The following TENM3 variants were observed in gnomAD, a reference collection of about 807,000 sequenced individuals.
The protein encoded by TENM3 is teneurin transmembrane protein 3.
A neutral mutation model predicts 255.1 loss-of-function variants in TENM3; 63 were observed. The ratio of observed to expected loss-of-function variants is 0.25; its 90% confidence interval spans 0.20 to 0.30. The LOEUF (loss-of-function observed/expected upper bound fraction) is 0.30. TENM3 is among the 10% of genes least tolerant of loss of function. TENM3 has a pLI of 1.00. For missense variants in TENM3, 2,929 were observed against 3,461.1 expected (o/e 0.85, Z 3.86); for synonymous variants, 1,306 against 1,322.3 (o/e 0.99, Z 0.27).
the TENM3 span, among the ~76,000 whole-genome samples, chr4:181,653,978 T>C: frequency 6.6e-6 from 1 of 151,902 alleles, no homozygotes; most frequent in African/African-American, 2.4e-5. Context: ...TGTCCTTCTT[T>C]GGTTGGTGCC....
At chr4:181,730,577 G>A in the TENM3 span, among the ~76,000 whole-genome samples, 1 of 152,228 alleles carries the variant, frequency 6.6e-6, no homozygotes, top group African/African-American at 2.4e-5. Context: ...AGGGGAGACA[G>A]ATGTGGAGGA....
chr4:182,737,093 C>A lies in TENM3; in HGVS notation c.3235+18C>A. 2 of 1,601,336 alleles carry A rather than the reference C, an allele frequency of 1.2e-6. No homozygotes were observed. Among genetic ancestry groups the A allele is most frequent in the Non-Finnish European group, 1.7e-6 (2 of 1,174,402 alleles). On this transcript the variant is annotated intron_variant, in intron 17 of 27. Transcript: ENST00000511685. ...AGCTGTTGGTAAGTTCCATATAAAT[C>A]TTTGCTGCAGTGAAGTTTTTCTCAA...
At chr4:181,878,368 T>C in the TENM3 span, among the ~76,000 whole-genome samples, 1 of 151,858 alleles carries the variant, frequency 6.6e-6, no homozygotes, top group Non-Finnish European at 1.5e-5. Flanking sequence ...AGGAACGGAA[T>C]TGGGGAAAGT....
chr4:182,489,418 A>G (rs957287638), intron 3 of TENM3, among the ~76,000 whole-genome samples: 4 of 152,186 alleles, frequency 2.6e-5, no homozygotes, highest in Admixed American at 6.5e-5. Flanking sequence ...CTTTTTAGGA[A>G]CAGTGAAATA....
At chr4:181,756,517 T>C in the TENM3 span, among the ~76,000 whole-genome samples, 1 of 152,202 alleles carries the variant, frequency 6.6e-6, no homozygotes, top group African/African-American at 2.4e-5. Flanking sequence ...AGATGGCCTG[T>C]GCAGGCAACA....
At chr4:181,914,148 C>G in the TENM3 span, among the ~76,000 whole-genome samples, 1 of 152,192 alleles carries the variant, frequency 6.6e-6, no homozygotes, top group African/African-American at 2.4e-5. Flanking sequence ...GTTTTGATGG[C>G]TCCCATTGCC....
chr4:182,232,179 CCTT>C (rs1197514296), intron 1 of TENM3, among the ~76,000 whole-genome samples: 3 of 152,128 alleles, frequency 2.0e-5, no homozygotes, highest in Non-Finnish European at 4.4e-5. Context: ...ACTCCTCTGT[CCTT>C]CTGGCTGAAA....
intron 3 of TENM3, among the ~76,000 whole-genome samples, chr4:182,380,127 C>T (rs1580353013): frequency 1.3e-5 from 2 of 151,930 alleles, no homozygotes; most frequent in Non-Finnish European, 1.5e-5. Context: ...AAAAATTAGG[C>T]GGGCCTGGTG....
chr4:182,614,982 T>A (rs1032269545), intron 4 of TENM3, among the ~76,000 whole-genome samples: 1 of 146,618 alleles, frequency 6.8e-6, no homozygotes, highest in Non-Finnish European at 1.5e-5. Context: ...CACTACTTTG[T>A]CCTCAGCAGT....
the TENM3 span, among the ~76,000 whole-genome samples, chr4:182,018,294 T>A: frequency 6.6e-6 from 1 of 152,172 alleles, no homozygotes; most frequent in Non-Finnish European, 1.5e-5. Flanking sequence ...GATTAGCCAA[T>A]GCTGCAGTCT....
rs1263877881 is a variant in TENM3 at position 182,324,253 on chromosome 4, G to C, written c.232+1G>C. ...GAAGCAGACGAGTTCACTAGACAAG[G>C]TGGGTAACTGTCCTAGTAAAATAAG... On this transcript the variant is annotated splice_donor_variant, in intron 2 of 27. Transcript: ENST00000511685. LOFTEE classifies it high-confidence loss of function. The C allele has an allele frequency of 6.2e-7, 1 of 1,604,120 alleles. No homozygotes were observed. The highest frequency in any genetic ancestry group is 1.3e-5 in the African/African-American group (1 of 74,748).
At chr4:182,784,100 A>G (rs575735298) in intron 24 of TENM3, among the ~76,000 whole-genome samples, 48 of 152,032 alleles carry the variant, frequency 3.2e-4, no homozygotes, top group Non-Finnish European at 5.0e-4. Context: ...CTGGTGAGGA[A>G]CTGCATTCCT....
Position 182,187,453 on chromosome 4 carries a change from T to C in TENM3, c.-76+42699T>C, listed in dbSNP as rs369537399. On this transcript the variant is annotated intron_variant, in intron 1 of 2. Transcript: ENST00000512480. Reference sequence around the variant, plus strand: ...TTGAGTCAAAGGAGGTTAAAATTTTTGAAGGGGATAGTAAATTCGCCAACT... The same window carrying C: ...TTGAGTCAAAGGAGGTTAAAATTTTCGAAGGGGATAGTAAATTCGCCAACT... Among the ~76,000 whole-genome samples the C allele has an allele frequency of 9.9e-5, 15 of 152,252 alleles. No homozygotes were observed. The South Asian group carries it at 2.9e-3, about 29-fold the overall frequency.
the TENM3 span, among the ~76,000 whole-genome samples, chr4:182,077,111 G>A: frequency 1.3e-5 from 2 of 152,104 alleles, no homozygotes; most frequent in African/African-American, 4.8e-5. Flanking sequence ...CTCCTCATAT[G>A]ACTCTTGCCA....
chr4:181,888,617 T>TGTGTGG, the TENM3 span, among the ~76,000 whole-genome samples: 1 of 103,110 alleles, frequency 9.7e-6, no homozygotes, highest in African/African-American at 3.4e-5. Flanking sequence ...TGTGTGTGTG[T>TGTGTGG]GGAAAGAGAG....
the TENM3 span, among the ~76,000 whole-genome samples, chr4:182,127,944 G>A: frequency 6.6e-6 from 1 of 152,018 alleles, no homozygotes; most frequent in South Asian, 2.1e-4. Context: ...TATAAATTCA[G>A]CAGGATGTGT....
the TENM3 span, among the ~76,000 whole-genome samples, chr4:181,556,882 G>A: frequency 0.012 from 1,881 of 152,184 alleles, 40 homozygotes; most frequent in African/African-American, 0.042. Flanking sequence ...CAAATTCAGC[G>A]TAATGAGAAA....
intron 3 of TENM3, among the ~76,000 whole-genome samples, chr4:182,588,764 C>G (rs1437999851): frequency 1.3e-5 from 2 of 152,106 alleles, no homozygotes; most frequent in African/African-American, 4.8e-5. Context: ...TTATGCAAAA[C>G]TAAGAATTTC....
At chr4:182,484,993 T>C (rs1277227784) in intron 3 of TENM3, among the ~76,000 whole-genome samples, 1 of 152,188 alleles carries the variant, frequency 6.6e-6, no homozygotes, top group African/African-American at 2.4e-5. Context: ...AGATACATAG[T>C]ACCTTTATTA....
Sources: allele counts gnomAD v4.1 joint callset (sites outside exome capture counted in the v4.1 genomes callset), GRCh38; gene constraint gnomAD v4.1.1; transcripts MANE v1.5; gene names NCBI Gene and HGNC (gene_info 2026-07-23, HGNC 2026-07-21).